Variants in RAPGEF6 observed in about 807,000 individuals in gnomAD.
RAPGEF6 encodes PDZ domain containing guanine nucleotide exchange factor (GEF) 2.
Under a neutral mutation model 171.4 loss-of-function variants are expected in RAPGEF6, and 56 were observed. That is an observed-to-expected ratio of 0.33 (90% CI 0.26 to 0.41). The LOEUF is 0.41. Among genes scored for constraint, RAPGEF6 ranks in the 10% least tolerant of loss-of-function variants. The probability of loss-of-function intolerance (pLI) is 1.00; values close to 1 mark genes in which losing one functional copy is unlikely to be tolerated. For synonymous variants in RAPGEF6, 692 were observed against 650.1 expected, an observed-to-expected ratio of 1.06 and a Z score of -0.98; for missense variants, 1,674 against 1,921.4, an observed-to-expected ratio of 0.87 and a Z score of 2.41.
At position 131,453,160 on chromosome 5, in the gene RAPGEF6, C is replaced by G; in HGVS notation, c.3094G>C (p.Asp1032His). 6.2e-7 allele frequency: 1 copy of G among 1,612,364 alleles called. No individual in the cohort carries two copies. Among genetic ancestry groups the G allele is most frequent in the Admixed American group, 1.7e-5 (1 of 59,842 alleles). The change falls in exon 21 of 28, where the codon GAT becomes CAT. Residue 1032 changes from aspartate to histidine, a missense_variant. Coordinates refer to ENST00000509018, the MANE Select transcript of RAPGEF6 (RefSeq NM_016340.6). ...AACTTCTCAAAGTTTACTAAACCAT[C>G]TACTTTGGAGTCATTTCCTATAGAA... is the stretch of plus-strand genomic sequence containing the variant. Reference protein sequence around the residue: ...FLHEGNDSKVDGLVNFEKLRM... With the variant: ...FLHEGNDSKVHGLVNFEKLRM...
At chr5:131,587,667 T>A (rs1763333885) in intron 4 of RAPGEF6, among the ~76,000 whole-genome samples, 1 of 152,162 alleles carries the variant, frequency 6.6e-6, no homozygotes, top group Non-Finnish European at 1.5e-5. Flanking sequence ...TTGAAACGAC[T>A]CAAAGGCAAA....
intron 16 of RAPGEF6, among the ~76,000 whole-genome samples, chr5:131,473,465 T>C (rs572965538): frequency 5.3e-5 from 8 of 152,286 alleles, no homozygotes; most frequent in Non-Finnish European, 8.8e-5. Flanking sequence ...ACACTGTCAC[T>C]TAGGTTTTAG....
intron 24 of RAPGEF6, among the ~76,000 whole-genome samples, chr5:131,435,476 G>GATCA (rs1213762560): frequency 6.6e-6 from 1 of 152,130 alleles, no homozygotes; most frequent in East Asian, 1.9e-4. Flanking sequence ...ATGTCTATTT[G>GATCA]ATCAGTATTT....
At chr5:131,499,571 G>A (rs1203688199) in intron 11 of RAPGEF6, among the ~76,000 whole-genome samples, 6 of 94,040 alleles carry the variant, frequency 6.4e-5, no homozygotes, top group Admixed American at 1.7e-4. Context: ...ACAAGAGCGA[G>A]ACTTTGTCTC....
intron 24 of RAPGEF6, chr5:131,436,370 T>C (rs934795433): frequency 6.5e-7 from 1 of 1,537,352 alleles, no homozygotes; most frequent in Non-Finnish European, 8.7e-7. Context: ...TGATCAGATA[T>C]GATACTGCCA....
rs1766565792 is a variant in RAPGEF6 at position 131,635,182 on chromosome 5, C to G, written c.-152G>C. On this transcript the variant is annotated 5_prime_UTR_variant, in exon 1 of 28. Transcript: ENST00000509018. ...AACTCTAGCAAACAACCCTTCGCAA[C>G]GCCCGCCTAAGGCCTCTACCCACGC... 3 of 784,420 alleles carry G rather than the reference C, an allele frequency of 3.8e-6. No individual in the cohort carries two copies. The highest frequency in any genetic ancestry group is 3.9e-6 in the Non-Finnish European group (2 of 511,212). The allele number at this position is 784,420 out of a possible 1,614,324, so 48.6% of individuals were successfully genotyped here.
chr5:131,467,892 G>A (rs1754470066), intron 17 of RAPGEF6, among the ~76,000 whole-genome samples: 3 of 152,060 alleles, frequency 2.0e-5, no homozygotes, highest in Non-Finnish European at 2.9e-5. Flanking sequence ...TTATCTGGGC[G>A]TGGTGGTGTG....
intron 7 of RAPGEF6, among the ~76,000 whole-genome samples, chr5:131,511,067 G>C (rs1757685222): frequency 1.3e-5 from 2 of 152,064 alleles, no homozygotes; most frequent in Non-Finnish European, 2.9e-5. Context: ...TTTACTGTAG[G>C]ATCTAAAAGT....
intron 13 of RAPGEF6, among the ~76,000 whole-genome samples, chr5:131,493,042 CATTT>C (rs747528355): frequency 7.8e-4 from 118 of 151,810 alleles, no homozygotes; most frequent in Admixed American, 1.5e-3. Context: ...AATTACCTAT[CATTT>C]ATTTATTTAT....
chr5:131,438,945 C>A (rs1414541999), intron 24 of RAPGEF6, among the ~76,000 whole-genome samples: 1 of 151,876 alleles, frequency 6.6e-6, no homozygotes, highest in African/African-American at 2.4e-5. Flanking sequence ...TTTTTTGAGA[C>A]AGGGTCTTGC....
intron 4 of RAPGEF6, among the ~76,000 whole-genome samples, chr5:131,586,175 C>T (rs1763243653): frequency 6.6e-6 from 1 of 152,136 alleles, no homozygotes; most frequent in African/African-American, 2.4e-5. Flanking sequence ...TCATGTTCAT[C>T]CAAAGACGTT....
intron 12 of RAPGEF6, 83 bp from the exon 13 acceptor site, chr5:131,495,743 T>C: frequency 2.7e-6 from 4 of 1,498,114 alleles, no homozygotes; most frequent in Non-Finnish European, 3.6e-6. Context: ...TGTCTAAAAC[T>C]CATGAAGAAC....
intron 17 of RAPGEF6, among the ~76,000 whole-genome samples, chr5:131,466,690 A>C (rs963990896): frequency 2.0e-5 from 3 of 152,144 alleles, no homozygotes; most frequent in Admixed American, 6.5e-5. Context: ...TTCTGCCATG[A>C]TTGTGAGGCT....
intron 12 of RAPGEF6, among the ~76,000 whole-genome samples, chr5:131,496,342 A>AT (rs887080783): frequency 5.3e-5 from 8 of 152,076 alleles, no homozygotes; most frequent in South Asian, 2.1e-4. Flanking sequence ...GAAATGAGTC[A>AT]TTTTTTTTAA....
intron 5 of RAPGEF6, among the ~76,000 whole-genome samples, chr5:131,554,420 A>G (rs1258986598): frequency 6.6e-6 from 1 of 152,260 alleles, no homozygotes; most frequent in Non-Finnish European, 1.5e-5. Context: ...AATGATTTAC[A>G]GAATACATAA....
intron 4 of RAPGEF6, among the ~76,000 whole-genome samples, chr5:131,587,362 G>T (rs1763311859): frequency 6.6e-6 from 1 of 152,192 alleles, no homozygotes; most frequent in Non-Finnish European, 1.5e-5. Flanking sequence ...ACTCTTCAGA[G>T]ATACAAGACT....
rs184642352 is a variant in RAPGEF6, at chr5:131,469,707, T to C, written c.2239+2880A>G. ...TGGAAAGAAAAGTTGTGCTTACTAC[T>C]TCATTCAATTCTGTATCATTGGACT... On this transcript the variant is annotated intron_variant, in intron 17 of 27. Transcript: ENST00000509018. The C allele has an allele frequency of 1.2e-3, 1,111 of 941,434 alleles. 12 individuals carry two copies. The African/African-American group carries it at 0.017, about 14-fold the overall frequency. 58.3% of individuals were successfully genotyped at this position (941,434 alleles called of 1,614,324 possible).
At chr5:131,517,404 C>T (rs1361540805) in intron 7 of RAPGEF6, among the ~76,000 whole-genome samples, 3 of 151,180 alleles carry the variant, frequency 2.0e-5, no homozygotes, top group Non-Finnish European at 4.4e-5. Context: ...TCACTTGAAA[C>T]GTTTCTAAAT....
intron 4 of RAPGEF6, among the ~76,000 whole-genome samples, chr5:131,572,336 T>A (rs1021595245): frequency 1.3e-5 from 2 of 152,034 alleles, no homozygotes; most frequent in East Asian, 3.9e-4. Context: ...GGGTAAGCGG[T>A]TTTTTCGCTC....
Sources: gnomAD v4.1 joint callset for allele counts (sites outside exome capture counted in the v4.1 genomes callset) on GRCh38, gnomAD v4.1.1 for gene constraint, MANE v1.5 for transcripts, NCBI Gene and HGNC (gene_info 2026-07-23, HGNC 2026-07-21) for gene names.